The following ZNF362 variants were observed in gnomAD, a reference collection of about 807,000 sequenced individuals.
ZNF362 encodes the protein zinc finger protein 362, also known as rotund homolog.
A neutral mutation model predicts 42.9 loss-of-function variants in ZNF362; 11 were observed. The ratio of observed to expected loss-of-function variants is 0.26; its 90% CI spans 0.16 to 0.42. The LOEUF (loss-of-function observed/expected upper bound fraction) is 0.42, where lower values mean the gene tolerates loss of function less well. ZNF362 is among the 20% of genes least tolerant of loss of function. The pLI is 1.00. For missense variants in ZNF362, 362 were observed against 576.2 expected (o/e 0.63, Z 3.81); for synonymous variants, 255 against 257.3 (o/e 0.99, Z 0.09).
the ZNF362 span, among the ~76,000 whole-genome samples, chr1:33,173,596 C>G: frequency 6.7e-3 from 1,020 of 152,198 alleles, 13 homozygotes; most frequent in African/African-American, 0.024. Context: ...ATGCCTGTCC[C>G]TGGTCACACT....
chr1:33,169,824 C>T, the ZNF362 span, among the ~76,000 whole-genome samples: 3 of 152,224 alleles, frequency 2.0e-5, no homozygotes, highest in Non-Finnish European at 2.9e-5. Flanking sequence ...CAGAACTGCC[C>T]GTTCTACCAG....
At chr1:33,181,378 G>A in the ZNF362 span, 2 of 1,601,438 alleles carry the variant, frequency 1.2e-6, no homozygotes, top group Non-Finnish European at 1.7e-6. The surrounding 1 kb of genome is among the most constrained non-coding windows in gnomAD (Gnocchi z 6.5). Context: ...ACCGGGTCCT[G>A]GTAGATGCTC....
At chr1:33,222,345 T>C in the ZNF362 span, among the ~76,000 whole-genome samples, 1 of 152,138 alleles carries the variant, frequency 6.6e-6, no homozygotes, top group Admixed American at 6.5e-5. Context: ...CCAAAATATA[T>C]CTCAGATCCA....
At chr1:33,290,098 T>A (rs959351870) in intron 6 of ZNF362, among the ~76,000 whole-genome samples, 5 of 152,208 alleles carry the variant, frequency 3.3e-5, no homozygotes, top group Non-Finnish European at 5.9e-5. Context: ...GGTTTTTTTT[T>A]ATTTTTTTAT....
At chr1:33,238,851 G>GC in the ZNF362 span, among the ~76,000 whole-genome samples, 1 of 152,114 alleles carries the variant, frequency 6.6e-6, no homozygotes, top group Non-Finnish European at 1.5e-5. Context: ...ACGATGAAAA[G>GC]CCCCCTCTGC....
chr1:33,220,193 T>G, the ZNF362 span, among the ~76,000 whole-genome samples: 2 of 152,068 alleles, frequency 1.3e-5, no homozygotes, highest in Admixed American at 1.3e-4. Context: ...GACTCTGCAG[T>G]GGGGGGTTTG....
At chr1:33,212,024 G>A in the ZNF362 span, among the ~76,000 whole-genome samples, 2 of 152,166 alleles carry the variant, frequency 1.3e-5, no homozygotes, top group Non-Finnish European at 2.9e-5. Flanking sequence ...GGAAGTGATT[G>A]GATCACAGGG....
At chr1:33,258,699 T>C (rs903219587) in intron 1 of ZNF362, among the ~76,000 whole-genome samples, 2 of 152,132 alleles carry the variant, frequency 1.3e-5, no homozygotes, top group African/African-American at 4.8e-5. Flanking sequence ...TGGACTAGAA[T>C]GGGACAGCAC....
chr1:33,159,355 A>G, the ZNF362 span, among the ~76,000 whole-genome samples: 2 of 152,178 alleles, frequency 1.3e-5, no homozygotes, highest in Non-Finnish European at 2.9e-5. This position sits in a 1 kb window ranked among gnomAD's most constrained non-coding sequence, Gnocchi z 4.2. Context: ...AATATATTAC[A>G]TATATAATAA....
chr1:33,155,135 G>A, the ZNF362 span, among the ~76,000 whole-genome samples: 1 of 147,746 alleles, frequency 6.8e-6, no homozygotes, highest in East Asian at 2.2e-4. Context: ...GCAGTGGCGC[G>A]ATCTCGGCTC....
the ZNF362 span, among the ~76,000 whole-genome samples, chr1:33,231,069 G>A: frequency 1.1e-4 from 17 of 152,198 alleles, no homozygotes; most frequent in East Asian, 1.9e-3. Flanking sequence ...CTTCACTAAC[G>A]CTTATTGAAC....
chr1:33,277,684 A>G (rs1269789150), intron 4 of ZNF362, among the ~76,000 whole-genome samples: 1 of 152,166 alleles, frequency 6.6e-6, no homozygotes. Flanking sequence ...AAGAGAGGAC[A>G]GGATGTAGGA....
chr1:33,295,426 A>G (rs909773587), intron 8 of ZNF362, 121 bp downstream of exon 8: 2 of 1,255,654 alleles, frequency 1.6e-6, no homozygotes, highest in Non-Finnish European at 2.2e-6. Context: ...ATTGAGGCCT[A>G]GAGAAGGGAA....
At chr1:33,286,699 T>C (rs904244724) in intron 6 of ZNF362, among the ~76,000 whole-genome samples, 1 of 152,166 alleles carries the variant, frequency 6.6e-6, no homozygotes, top group African/African-American at 2.4e-5. Context: ...CAGGATTCTT[T>C]AGACAAACAA....
upstream of ZNF362, among the ~76,000 whole-genome samples, chr1:33,253,477 A>G (rs1645770948): frequency 6.6e-6 from 1 of 152,010 alleles, no homozygotes; most frequent in South Asian, 2.1e-4. Flanking sequence ...AGCATATGCA[A>G]AGTCCTCAGA....
rs555742484 is a variant in ZNF362 at position 33,299,211 on chromosome 1, G to A, written c.*165G>A. On this transcript the variant is annotated 3_prime_UTR_variant, in exon 9 of 9. Coordinates refer to ENST00000539719, the MANE Select transcript of ZNF362 (RefSeq NM_152493.3). The stretch of plus-strand genomic sequence containing the variant: ...GCAGAAGCCCTGCCTGGTCCAGTCC[G>A]GGGGCGGCCAGGCCAACTGCAAGAT... The A allele has an allele frequency of 1.2e-4, 70 of 603,274 alleles. 1 individual carries two copies. The highest frequency in any genetic ancestry group is 9.3e-4 in the South Asian group (47 of 50,290). 37.4% of individuals were successfully genotyped at this position (603,274 alleles called of 1,614,324 possible).
chr1:33,141,641 A>C, the ZNF362 span, among the ~76,000 whole-genome samples: 1 of 152,194 alleles, frequency 6.6e-6, no homozygotes, highest in African/African-American at 2.4e-5. Flanking sequence ...TCTGGTCCAC[A>C]GTGTCAACCC....
the ZNF362 span, chr1:33,158,312 T>G: frequency 3.7e-6 from 6 of 1,614,040 alleles, no homozygotes; most frequent in Non-Finnish European, 5.1e-6. Flanking sequence ...GCCTGTGTAC[T>G]TGGAGGTCGG....
chr1:33,157,721 T>C, the ZNF362 span, among the ~76,000 whole-genome samples: 8 of 152,066 alleles, frequency 5.3e-5, no homozygotes, highest in Non-Finnish European at 1.0e-4. Context: ...ATCTGGAGAA[T>C]GGGTTTGCTA....
Sources: allele counts gnomAD v4.1 joint callset (sites outside exome capture counted in the v4.1 genomes callset), GRCh38; gene constraint gnomAD v4.1.1; non-coding constraint Gnocchi (gnomAD v3.1); transcripts MANE v1.5; gene names NCBI Gene and HGNC (gene_info 2026-07-23, HGNC 2026-07-21).